COL24A1: variants seen among roughly 807,000 people sequenced by gnomAD.
COL24A1 encodes the protein collagen type XXIV alpha 1 chain.
Under a neutral mutation model 253.9 loss-of-function variants are expected in COL24A1, and 224 were observed. The ratio of observed to expected loss-of-function variants is 0.88; its 90% CI spans 0.79 to 0.99. The LOEUF is 0.99. Ranked by LOEUF, COL24A1 falls within the 50% of genes least tolerant of loss-of-function variation. The pLI is 0.00. For missense variants in COL24A1, 2,131 were observed against 2,068.5 expected, an observed-to-expected ratio of 1.03 and a Z score of -0.59; for synonymous variants, 685 against 673.7, an observed-to-expected ratio of 1.02 and a Z score of -0.26.
chr1:85,744,566 A>T, intron 57 of COL24A1, 100 bp downstream of exon 57: 1 of 1,052,946 alleles, frequency 9.5e-7, no homozygotes, highest in African/African-American at 1.6e-5. Context: ...GGGTTTTATC[A>T]AACTAACTAT....
intron 5 of COL24A1, among the ~76,000 whole-genome samples, chr1:86,101,531 T>C (rs1557626286): frequency 6.6e-6 from 1 of 152,142 alleles, no homozygotes; most frequent in African/African-American, 2.4e-5. Context: ...ATCTGTCATA[T>C]ATGGTTCTTA....
chr1:85,805,844 G>C (rs1425140999), intron 47 of COL24A1, among the ~76,000 whole-genome samples: 2 of 152,136 alleles, frequency 1.3e-5, no homozygotes, highest in Non-Finnish European at 2.9e-5. Flanking sequence ...GGGAGGCCGA[G>C]GTGGGCGGAT....
intron 55 of COL24A1, among the ~76,000 whole-genome samples, chr1:85,756,714 A>T (rs1666300101): frequency 6.6e-6 from 1 of 150,874 alleles, no homozygotes; most frequent in Non-Finnish European, 1.5e-5. Context: ...ATTTCTAGGT[A>T]TATACCCAAA....
intron 52 of COL24A1, 97 bp downstream of exon 52, chr1:85,781,123 T>G (rs1669097614): frequency 1.1e-6 from 1 of 891,916 alleles, no homozygotes; most frequent in Non-Finnish European, 1.7e-6. Context: ...TTTTCCATTT[T>G]CTTCTCAAAT....
At chr1:85,769,123 C>T (rs1667690750) in intron 53 of COL24A1, among the ~76,000 whole-genome samples, 3 of 151,964 alleles carry the variant, frequency 2.0e-5, no homozygotes, top group Admixed American at 1.3e-4. Context: ...TATTATGTTC[C>T]AACACCTCAA....
intron 31 of COL24A1, among the ~76,000 whole-genome samples, chr1:85,889,985 T>C (rs546334364): frequency 6.6e-6 from 1 of 152,200 alleles, no homozygotes; most frequent in African/African-American, 2.4e-5. Flanking sequence ...AAGTACCTCA[T>C]ATTAGTGAGA....
chr1:85,918,678 A>G (rs1208761744), intron 24 of COL24A1, among the ~76,000 whole-genome samples: 1 of 152,240 alleles, frequency 6.6e-6, no homozygotes, highest in Admixed American at 6.5e-5. Context: ...TTTAAAGCTG[A>G]GGTCTGCCAA....
At chr1:85,848,287 A>G (rs766266056) in intron 38 of COL24A1, among the ~76,000 whole-genome samples, 2 of 152,090 alleles carry the variant, frequency 1.3e-5, no homozygotes, top group Admixed American at 6.5e-5. Context: ...TCTGTTTTCT[A>G]TTAGACACAC....
chr1:86,035,413 A>T (rs1454588737), intron 12 of COL24A1, among the ~76,000 whole-genome samples: 1 of 152,016 alleles, frequency 6.6e-6, no homozygotes, highest in East Asian at 1.9e-4. Context: ...GAGATGATTG[A>T]TTTTTTTTAG....
At chr1:85,962,409 T>A (rs991852559) in intron 23 of COL24A1, among the ~76,000 whole-genome samples, 1 of 152,222 alleles carries the variant, frequency 6.6e-6, no homozygotes, top group Non-Finnish European at 1.5e-5. Flanking sequence ...AGTCTTGATT[T>A]ATTCCAATTA....
At chr1:85,824,972 T>A (rs1380613373) in intron 43 of COL24A1, among the ~76,000 whole-genome samples, 1 of 151,440 alleles carries the variant, frequency 6.6e-6, no homozygotes, top group Non-Finnish European at 1.5e-5. Context: ...GTGCACAATG[T>A]GCAGGTTAGT....
At chr1:86,017,121 A>G in intron 19 of COL24A1, 30 bp downstream of exon 19, 1 of 1,581,320 alleles carries the variant, frequency 6.3e-7, no homozygotes, top group South Asian at 1.1e-5. Flanking sequence ...ATTTTGTTTC[A>G]AATTTATTAA....
At chr1:86,060,465 T>C (rs1308983155) in intron 8 of COL24A1, among the ~76,000 whole-genome samples, 2 of 152,124 alleles carry the variant, frequency 1.3e-5, no homozygotes, top group Non-Finnish European at 2.9e-5. Flanking sequence ...TCACTTTAAG[T>C]ACAGATATGC....
At chr1:86,086,497 T>C (rs761315424) in intron 7 of COL24A1, among the ~76,000 whole-genome samples, 10 of 152,136 alleles carry the variant, frequency 6.6e-5, no homozygotes, top group Non-Finnish European at 1.2e-4. Context: ...AGAAACTACA[T>C]GGAGACTACA....
chr1:85,813,720 T>A lies in COL24A1; in HGVS notation c.3951+3068A>T, dbSNP rs1032038801. On this transcript the variant is annotated intron_variant, in intron 47 of 59. Coordinates refer to ENST00000370571, the MANE Select transcript of COL24A1 (RefSeq NM_152890.7). ...CGCCCGCCACTACGCCCGGCTAATT[T>A]TTTTGTATTTTTAGTAGAGACGGGG... Among the ~76,000 whole-genome samples the A allele has an allele frequency of 2.7e-5, 4 of 150,906 alleles. No individual in the cohort carries two copies. The South Asian group carries it at 6.4e-4, about 24-fold the overall frequency.
At chr1:85,969,879 A>T (rs1330190556) in intron 22 of COL24A1, among the ~76,000 whole-genome samples, 1 of 152,086 alleles carries the variant, frequency 6.6e-6, no homozygotes, top group Non-Finnish European at 1.5e-5. Flanking sequence ...TTAGCCTTCC[A>T]TAATTTTACT....
At position 85,875,282 on chromosome 1, in the gene COL24A1, C is replaced by T; in HGVS notation, c.3079G>A (p.Ala1027Thr). 1 of 1,613,494 alleles carries T rather than the reference C, an allele frequency of 6.2e-7. No homozygotes were observed. The highest frequency in any genetic ancestry group is 8.5e-7 in the Non-Finnish European group (1 of 1,179,552). Residue 1027 changes from alanine (A) to threonine (T), a missense_variant, in exon 34 of 60, where the codon GCA becomes ACA. Physicochemically the swap from Ala to Thr is moderately conservative, Grantham distance 58 (BLOSUM62 0). Coordinates refer to ENST00000370571, the MANE Select transcript of COL24A1 (RefSeq NM_152890.7). ...GESGLQGEPG[A>T]KGDVGTAGSV... is the part of the protein sequence containing the mutation. ...TTTATTTTTTAGAAGGTTACCTTTG[C>T]ACCTGGTTCACCTTGCAGACCAGAC...
chr1:86,046,305 G>A (rs1051723559), intron 12 of COL24A1, among the ~76,000 whole-genome samples: 1 of 151,992 alleles, frequency 6.6e-6, no homozygotes, highest in Non-Finnish European at 1.5e-5. Flanking sequence ...TAAGCAATGG[G>A]GTACTGGATG....
chr1:85,947,533 C>T (rs1689448400), intron 24 of COL24A1, among the ~76,000 whole-genome samples: 1 of 152,072 alleles, frequency 6.6e-6, no homozygotes, highest in African/African-American at 2.4e-5. Flanking sequence ...TTGGACTTCT[C>T]CTGTAAGTAT....
Sources: allele counts gnomAD v4.1 joint callset (sites outside exome capture counted in the v4.1 genomes callset), GRCh38; gene constraint gnomAD v4.1.1; transcripts MANE v1.5; gene names NCBI Gene and HGNC (gene_info 2026-07-23, HGNC 2026-07-21).